The following FOXP2 variants were observed in gnomAD, a reference collection of about 807,000 sequenced individuals.
FOXP2 encodes forkhead box protein P2.
In FOXP2, 12 loss-of-function variants were observed where a neutral mutation model predicts 115.8. That is an observed-to-expected ratio of 0.10 (90% CI 0.07 to 0.17). The LOEUF is 0.17. Ranked by LOEUF, FOXP2 falls within the 10% of genes least tolerant of loss-of-function variation. The pLI is 1.00. For missense variants in FOXP2, 629 were observed against 843.5 expected, an observed-to-expected ratio of 0.75 and a Z score of 3.15; for synonymous variants, 328 against 297.7, an observed-to-expected ratio of 1.10 and a Z score of -1.05.
chr7:114,488,658 A>G (rs1165945475), intron 2 of FOXP2, among the ~76,000 whole-genome samples: 1 of 152,162 alleles, frequency 6.6e-6, no homozygotes, highest in Non-Finnish European at 1.5e-5. Flanking sequence ...TGAACAAAAA[A>G]CTTTATCCCA....
chr7:114,290,634 A>G (rs1260613680), intron 2 of FOXP2, among the ~76,000 whole-genome samples: 1 of 152,120 alleles, frequency 6.6e-6, no homozygotes, highest in African/African-American at 2.4e-5. Flanking sequence ...CAGTTCAGAC[A>G]GATAGTGTAC....
At chr7:114,152,006 C>A (rs1792540743) in intron 1 of FOXP2, among the ~76,000 whole-genome samples, 1 of 152,092 alleles carries the variant, frequency 6.6e-6, no homozygotes, top group South Asian at 2.1e-4. Flanking sequence ...CACGCGATTT[C>A]ATTATCTTCA....
intron 2 of FOXP2, among the ~76,000 whole-genome samples, chr7:114,477,629 C>G (rs1201611215): frequency 6.6e-6 from 1 of 151,706 alleles, no homozygotes; most frequent in Non-Finnish European, 1.5e-5. Context: ...CACATGTACC[C>G]CCTGTATCTA....
At chr7:114,561,442 C>T (rs1472276621) in intron 3 of FOXP2, 1 of 152,158 alleles carries the variant, frequency 6.6e-6, no homozygotes. Context: ...TATGCAGTAT[C>T]TTCCTAAAGA....
At chr7:114,087,470 G>A (rs1420884424), upstream of FOXP2, among the ~76,000 whole-genome samples, 1 of 152,014 alleles carries the variant, frequency 6.6e-6, no homozygotes, top group African/African-American at 2.4e-5. Flanking sequence ...GCGGCACTTG[G>A]TGAGGGGACG....
At chr7:114,443,327 C>T (rs1267551907) in intron 2 of FOXP2, among the ~76,000 whole-genome samples, 3 of 152,220 alleles carry the variant, frequency 2.0e-5, no homozygotes. Context: ...AAGGCACATG[C>T]GATTTATTCT....
intron 1 of FOXP2, among the ~76,000 whole-genome samples, chr7:114,096,053 C>T (rs960583131): frequency 6.6e-6 from 1 of 152,046 alleles, no homozygotes; most frequent in Non-Finnish European, 1.5e-5. Context: ...GTTGTTTTTT[C>T]CCTACTTTGC....
intron 16 of FOXP2, among the ~76,000 whole-genome samples, chr7:114,686,053 A>G (rs769829410): frequency 1.3e-5 from 2 of 148,374 alleles, no homozygotes; most frequent in Non-Finnish European, 3.0e-5. Flanking sequence ...TTAGAATTGT[A>G]TTAAACTTTT....
chr7:114,635,016 A>G (rs1195490361), intron 6 of FOXP2, among the ~76,000 whole-genome samples: 1 of 152,178 alleles, frequency 6.6e-6, no homozygotes, highest in Non-Finnish European at 1.5e-5. Context: ...AATTTGAGAG[A>G]CCAAACAGAG....
intron 1 of FOXP2, among the ~76,000 whole-genome samples, chr7:114,281,093 GA>G (rs1796324636): frequency 7.8e-6 from 1 of 128,284 alleles, no homozygotes; most frequent in South Asian, 2.6e-4. Context: ...TATGCAATTT[GA>G]ATTTTTTTTT....
At chr7:114,181,260 T>C (rs987477699) in intron 1 of FOXP2, among the ~76,000 whole-genome samples, 9 of 133,128 alleles carry the variant, frequency 6.8e-5, no homozygotes, top group African/African-American at 2.2e-4. Context: ...TTTTAATGGA[T>C]TTTATCCTAA....
intron 2 of FOXP2, among the ~76,000 whole-genome samples, chr7:114,500,924 T>A (rs1197331572): frequency 6.6e-6 from 1 of 152,208 alleles, no homozygotes; most frequent in African/African-American, 2.4e-5. Flanking sequence ...TTTATCACAT[T>A]TATCAGTTTT....
intron 16 of FOXP2, among the ~76,000 whole-genome samples, chr7:114,683,435 T>C (rs1808200621): frequency 6.6e-6 from 1 of 152,194 alleles, no homozygotes; most frequent in South Asian, 2.1e-4. Flanking sequence ...TTGCTGTGCC[T>C]GTATGCAGAC....
At chr7:114,585,586 C>CAAA in intron 3 of FOXP2, among the ~76,000 whole-genome samples, 2 of 148,494 alleles carry the variant, frequency 1.3e-5, no homozygotes, top group African/African-American at 5.0e-5. Context: ...AAAAAAAAAG[C>CAAA]CAGGCATGGT....
intron 1 of FOXP2, among the ~76,000 whole-genome samples, chr7:114,103,145 T>C (rs756303224): frequency 3.3e-5 from 5 of 152,084 alleles, no homozygotes; most frequent in Non-Finnish European, 7.4e-5. Flanking sequence ...GTCATGAAGC[T>C]TCAGAAACAG....
intron 2 of FOXP2, among the ~76,000 whole-genome samples, chr7:114,381,450 C>T (rs925203328): frequency 5.9e-5 from 9 of 152,136 alleles, no homozygotes; most frequent in Non-Finnish European, 1.3e-4. Flanking sequence ...TGGGCTAATG[C>T]CTGGCCAAAT....
intron 1 of FOXP2, among the ~76,000 whole-genome samples, chr7:114,128,700 C>T (rs1791793710): frequency 6.6e-6 from 1 of 151,782 alleles, no homozygotes. Context: ...AGTGTTTGGC[C>T]TAGATTAAAA....
intron 1 of FOXP2, among the ~76,000 whole-genome samples, chr7:114,190,236 G>A (rs1252013317): frequency 1.3e-5 from 2 of 152,122 alleles, no homozygotes; most frequent in Non-Finnish European, 2.9e-5. Flanking sequence ...GTGTCTGTGA[G>A]GGTGTTTCTG....
At chr7:114,244,769 C>CT (rs145190615) in intron 1 of FOXP2, among the ~76,000 whole-genome samples, 13,307 of 149,546 alleles carry the variant, frequency 0.089, 1,415 homozygotes, top group African/African-American at 0.26. Flanking sequence ...ATAGTGTTTT[C>CT]TTTTTTTTTT....
Sources: allele counts gnomAD v4.1 joint callset (sites outside exome capture counted in the v4.1 genomes callset), GRCh38; gene constraint gnomAD v4.1.1; transcripts MANE v1.5; gene names NCBI Gene and HGNC (gene_info 2026-07-23, HGNC 2026-07-21).